PPARGC1A: variants seen among roughly 807,000 people sequenced by gnomAD.
PPARGC1A encodes the protein peroxisome proliferator-activated receptor gamma coactivator 1-alpha.
PPARGC1A carries 25 observed loss-of-function variants against 88.7 expected under a neutral mutation model. The observed-to-expected ratio is 0.28, with a 90% confidence interval of 0.21 to 0.39. The LOEUF (loss-of-function observed/expected upper bound fraction) is 0.39, where lower values mean the gene tolerates loss of function less well. Ranked by LOEUF, PPARGC1A falls within the 10% of genes least tolerant of loss-of-function variation. The pLI is 1.00. For synonymous variants in PPARGC1A, 363 were observed against 355.6 expected, an observed-to-expected ratio of 1.02 and a Z score of -0.24; for missense variants, 880 against 968.7, an observed-to-expected ratio of 0.91 and a Z score of 1.22.
At chr4:23,892,809 T>C (rs1718048073), upstream of PPARGC1A, among the ~76,000 whole-genome samples, 1 of 152,122 alleles carries the variant, frequency 6.6e-6, no homozygotes, top group Non-Finnish European at 1.5e-5. Flanking sequence ...AGAAAGCATA[T>C]GACATGGACA....
the PPARGC1A span, among the ~76,000 whole-genome samples, chr4:24,439,211 C>T: frequency 6.6e-6 from 1 of 152,188 alleles, no homozygotes; most frequent in Non-Finnish European, 1.5e-5. Flanking sequence ...AAGAGAAGAA[C>T]TGATGCAATA....
the PPARGC1A span, among the ~76,000 whole-genome samples, chr4:24,281,618 G>T: frequency 6.6e-6 from 1 of 152,286 alleles, no homozygotes; most frequent in South Asian, 2.1e-4. Flanking sequence ...TGAAGGGGAC[G>T]AAAACCGAAA....
the PPARGC1A span, among the ~76,000 whole-genome samples, chr4:24,472,777 CGT>C: frequency 1.3e-5 from 2 of 151,530 alleles, no homozygotes; most frequent in Non-Finnish European, 2.9e-5. This position sits in a 1 kb window ranked among gnomAD's most constrained non-coding sequence, Gnocchi z 4.5. Flanking sequence ...TGTGTGCGCG[CGT>C]GTGTGTGCGT....
At chr4:24,242,079 C>G in the PPARGC1A span, among the ~76,000 whole-genome samples, 1 of 152,212 alleles carries the variant, frequency 6.6e-6, no homozygotes, top group Admixed American at 6.5e-5. Context: ...CAGCCCACTA[C>G]TGCTGCCCTG....
chr4:24,156,469 G>A, the PPARGC1A span, among the ~76,000 whole-genome samples: 1 of 151,946 alleles, frequency 6.6e-6, no homozygotes, highest in Non-Finnish European at 1.5e-5. Context: ...TTTGGTAACA[G>A]TTAGGAAAGG....
At chr4:23,797,840 G>A (rs1717898942) in intron 12 of PPARGC1A, among the ~76,000 whole-genome samples, 2 of 152,170 alleles carry the variant, frequency 1.3e-5, no homozygotes, top group Non-Finnish European at 2.9e-5. Flanking sequence ...TAATAAAAAT[G>A]TTATAGGTGT....
At chr4:23,805,418 T>C (rs1434726506) in intron 10 of PPARGC1A, among the ~76,000 whole-genome samples, 2 of 152,236 alleles carry the variant, frequency 1.3e-5, no homozygotes, top group East Asian at 3.9e-4. Flanking sequence ...CTACGAACAA[T>C]AGCATTGAGA....
At chr4:24,073,590 T>C in the PPARGC1A span, among the ~76,000 whole-genome samples, 5 of 152,188 alleles carry the variant, frequency 3.3e-5, no homozygotes, top group African/African-American at 9.6e-5. Flanking sequence ...TTGGGAGTGA[T>C]AGCGAGATGA....
intron 10 of PPARGC1A, among the ~76,000 whole-genome samples, chr4:23,811,889 C>CTTTTTT (rs71196134): frequency 3.4e-5 from 2 of 59,040 alleles, no homozygotes; most frequent in African/African-American, 1.3e-4. Flanking sequence ...GAAGAAATGA[C>CTTTTTT]TTTTTTTTTT....
chr4:24,398,319 C>T, the PPARGC1A span, among the ~76,000 whole-genome samples: 1 of 152,108 alleles, frequency 6.6e-6, no homozygotes, highest in African/African-American at 2.4e-5. Context: ...ACATTTCTGG[C>T]CTCTGAGTGA....
At chr4:24,416,514 C>T in the PPARGC1A span, among the ~76,000 whole-genome samples, 21 of 152,140 alleles carry the variant, frequency 1.4e-4, no homozygotes, top group African/African-American at 5.1e-4. Context: ...GAGACAAAGA[C>T]CTGACTGCAC....
At chr4:24,459,721 A>G in the PPARGC1A span, among the ~76,000 whole-genome samples, 10 of 152,320 alleles carry the variant, frequency 6.6e-5, no homozygotes, top group African/African-American at 2.4e-4. Flanking sequence ...GCCCCAAGAG[A>G]TTCAATCTGC....
intron 2 of PPARGC1A, among the ~76,000 whole-genome samples, chr4:23,841,090 C>A (rs1726975426): frequency 6.6e-6 from 1 of 152,044 alleles, no homozygotes; most frequent in South Asian, 2.1e-4. Flanking sequence ...CTTGAAAACG[C>A]AGAAATTTAC....
the PPARGC1A span, among the ~76,000 whole-genome samples, chr4:24,096,374 A>T: frequency 6.6e-6 from 1 of 152,286 alleles, no homozygotes; most frequent in African/African-American, 2.4e-5. Context: ...CATGAAATAG[A>T]TTCTCTCTCA....
At chr4:23,904,366 G>C (rs1719782645), upstream of PPARGC1A, among the ~76,000 whole-genome samples, 1 of 152,128 alleles carries the variant, frequency 6.6e-6, no homozygotes, top group East Asian at 1.9e-4. Flanking sequence ...AGTAAATATA[G>C]CAGTACTGTA....
At chr4:24,153,037 C>G in the PPARGC1A span, among the ~76,000 whole-genome samples, 1 of 152,158 alleles carries the variant, frequency 6.6e-6, no homozygotes, top group Non-Finnish European at 1.5e-5. Flanking sequence ...TGGACAGGAG[C>G]TATTGTTAGC....
At chr4:24,178,453 A>C in the PPARGC1A span, among the ~76,000 whole-genome samples, 1 of 152,202 alleles carries the variant, frequency 6.6e-6, no homozygotes, top group Non-Finnish European at 1.5e-5. Flanking sequence ...AGGAAACAGT[A>C]CCAAATCTTT....
chr4:24,470,304 ACACACACACACACACACACACT>A, the PPARGC1A span, among the ~76,000 whole-genome samples: 39 of 147,024 alleles, frequency 2.7e-4, no homozygotes, highest in South Asian at 3.5e-3. The surrounding 1 kb of genome is among the most constrained non-coding windows in gnomAD (Gnocchi z 5.8). Flanking sequence ...ACACACACAC[ACACACACACACACACACACACT>A]CTCTCACACA....
At chr4:24,372,444 T>C in the PPARGC1A span, among the ~76,000 whole-genome samples, 1 of 152,316 alleles carries the variant, frequency 6.6e-6, no homozygotes, top group Non-Finnish European at 1.5e-5. Context: ...GATCTCCAGC[T>C]TAAATCAACT....
Sources: allele counts gnomAD v4.1 joint callset (sites outside exome capture counted in the v4.1 genomes callset), GRCh38; gene constraint gnomAD v4.1.1; non-coding constraint Gnocchi (gnomAD v3.1); transcripts MANE v1.5; gene names NCBI Gene and HGNC (gene_info 2026-07-23, HGNC 2026-07-21).